Variants in FSTL5 observed in about 807,000 individuals in gnomAD.
FSTL5 encodes follistatin like 5.
In FSTL5, 62 loss-of-function variants were observed where a neutral mutation model predicts 89.1. The observed-to-expected ratio is 0.70, with a 90% confidence interval of 0.57 to 0.86. The LOEUF is 0.86. Ranked by LOEUF, FSTL5 falls within the 40% of genes least tolerant of loss-of-function variation. The pLI, the probability that FSTL5 is intolerant of heterozygous loss-of-function variation, is 0.00. For synonymous variants in FSTL5, 383 were observed against 346.2 expected (o/e 1.11, Z -1.18); for missense variants, 1,057 against 1,001.6 (o/e 1.06, Z -0.75).
At chr4:161,743,151 G>C (rs1440302794) in intron 6 of FSTL5, among the ~76,000 whole-genome samples, 4 of 152,074 alleles carry the variant, frequency 2.6e-5, no homozygotes, top group African/African-American at 4.8e-5. Context: ...CCAATGTTAT[G>C]AAGAGTTCCT....
chr4:161,790,023 C>T (rs1374159465), intron 4 of FSTL5, among the ~76,000 whole-genome samples: 1 of 152,134 alleles, frequency 6.6e-6, no homozygotes, highest in East Asian at 1.9e-4. Flanking sequence ...ATTTATACTA[C>T]CAGTTTACAT....
At position 161,861,614 on chromosome 4, in the gene FSTL5, A is replaced by G. The variant is rs757152325; in HGVS notation, c.409+58790T>C. ...CAGCAGTCCAATTTTGGGTAACATG[A>G]AAAATCCAGGTAGCATTATATTTTT... On this transcript the variant is annotated intron_variant, in intron 4 of 15. Transcript: ENST00000306100. Among the ~76,000 whole-genome samples, 236 of 152,350 alleles carry G rather than the reference A, an allele frequency of 1.5e-3. 5 individuals carry two copies. The highest frequency in any genetic ancestry group is 1.4e-3 in the South Asian group (7 of 4,830).
chr4:161,548,943 C>T (rs1011250080), intron 8 of FSTL5, among the ~76,000 whole-genome samples: 1 of 151,736 alleles, frequency 6.6e-6, no homozygotes, highest in African/African-American at 2.4e-5. Context: ...AATTAACATG[C>T]TATCTTTAAT....
At chr4:161,976,117 CAAA>C (rs371745777) in intron 3 of FSTL5, among the ~76,000 whole-genome samples, 6 of 65,368 alleles carry the variant, frequency 9.2e-5, no homozygotes, top group Non-Finnish European at 9.1e-5. Flanking sequence ...GACTCCGCCT[CAAA>C]AAAAAAAAAA....
At chr4:161,799,256 G>A (rs766545991) in intron 4 of FSTL5, among the ~76,000 whole-genome samples, 31 of 151,558 alleles carry the variant, frequency 2.0e-4, no homozygotes, top group African/African-American at 6.3e-4. Context: ...CCCCCTCCCC[G>A]CCGCCAAGTG....
At chr4:162,026,996 T>C (rs1737320302) in intron 3 of FSTL5, among the ~76,000 whole-genome samples, 1 of 152,090 alleles carries the variant, frequency 6.6e-6, no homozygotes, top group Admixed American at 6.6e-5. Context: ...TTTTGAAAAC[T>C]AGAGGATATA....
intron 7 of FSTL5, among the ~76,000 whole-genome samples, chr4:161,650,776 T>G (rs1218003298): frequency 2.4e-4 from 37 of 152,140 alleles, no homozygotes; most frequent in Admixed American, 2.4e-3. Flanking sequence ...ATGACATAAT[T>G]TGACTTATGT....
chr4:161,481,465 T>C (rs1447809222), intron 12 of FSTL5, among the ~76,000 whole-genome samples: 2 of 152,156 alleles, frequency 1.3e-5, no homozygotes, highest in Non-Finnish European at 2.9e-5. Flanking sequence ...CTTCAGAAAG[T>C]CCAACATCTT....
At position 161,637,429 on chromosome 4, in the gene FSTL5, T is replaced by C. The variant is rs1735762174; in HGVS notation, c.894+18899A>G. On this transcript the variant is annotated intron_variant, in intron 7 of 15. Transcript: ENST00000306100. ...TTTGTAGGTTGCCTGTTCACTCTGA[T>C]GGTAGTTTCTTTTGCTGTGCAGAAG... Among the ~76,000 whole-genome samples the C allele has an allele frequency of 2.0e-5, 3 of 148,308 alleles. No individual in the cohort carries two copies. In the South Asian group the frequency reaches 6.5e-4, roughly 32 times the overall value.
At chr4:161,390,083 C>T (rs540459089) in intron 15 of FSTL5, among the ~76,000 whole-genome samples, 1 of 152,072 alleles carries the variant, frequency 6.6e-6, no homozygotes, top group Non-Finnish European at 1.5e-5. Context: ...TGGTTTATCA[C>T]CAAATATCTC....
At chr4:161,431,601 A>G (rs1732374346) in intron 15 of FSTL5, among the ~76,000 whole-genome samples, 1 of 152,068 alleles carries the variant, frequency 6.6e-6, no homozygotes, top group African/African-American at 2.4e-5. Flanking sequence ...TGGCAGAAGT[A>G]AGTTCTTACT....
intron 10 of FSTL5, among the ~76,000 whole-genome samples, chr4:161,512,875 A>G (rs62324300): frequency 0.18 from 26,805 of 151,978 alleles, 2,603 homozygotes; most frequent in East Asian, 0.37. Flanking sequence ...AAATAAAGAC[A>G]AAGTTTTAAC....
intron 4 of FSTL5, among the ~76,000 whole-genome samples, chr4:161,837,314 C>T (rs531953898): frequency 6.6e-6 from 1 of 151,930 alleles, no homozygotes; most frequent in Non-Finnish European, 1.5e-5. Context: ...ATGAAATTGA[C>T]TAACAAGTGT....
In FSTL5 at chr4:161,457,617, A is replaced by T. The variant is rs374627431; in HGVS notation, c.1716+1595T>A. Among the ~76,000 whole-genome samples the T allele has an allele frequency of 3.9e-3, 597 of 152,276 alleles. 8 individuals carry two copies. In the South Asian group the frequency reaches 0.045, roughly 11 times the overall value. On this transcript the variant is annotated intron_variant, in intron 14 of 15. Coordinates refer to ENST00000306100, the MANE Select transcript of FSTL5 (RefSeq NM_020116.5). The stretch of plus-strand genomic sequence containing the variant: ...GATCAATTCTGAAGAAAATTGTATA[A>T]TAAAAATATATGCAGCTTTAGTTTT...
intron 4 of FSTL5, among the ~76,000 whole-genome samples, chr4:161,801,728 T>C (rs1458292788): frequency 6.6e-6 from 1 of 151,152 alleles, no homozygotes; most frequent in Non-Finnish European, 1.5e-5. Context: ...ATACACATAA[T>C]AATAATAATA....
Position 161,805,434 on chromosome 4 carries a change from G to C in FSTL5, c.410-29360C>G, listed in dbSNP as rs1036007895. Among the ~76,000 whole-genome samples, 6 of 152,090 alleles carry C rather than the reference G, an allele frequency of 3.9e-5. No individual in the cohort carries two copies. The East Asian group carries it at 1.2e-3, about 29-fold the overall frequency. ...AAATGTTTGTCATAGAGAGGAGAAT[G>C]GTATGGTAATAGATTAAAAGAGACG... On this transcript the variant is annotated intron_variant, in intron 4 of 15. Transcript: ENST00000306100.
chr4:161,602,162 A>G (rs1734266074), intron 7 of FSTL5, among the ~76,000 whole-genome samples: 1 of 151,860 alleles, frequency 6.6e-6, no homozygotes, highest in African/African-American at 2.4e-5. Flanking sequence ...TAAATAAATA[A>G]GACACACACA....
chr4:161,855,991 C>T (rs931710214), intron 4 of FSTL5, among the ~76,000 whole-genome samples: 12 of 152,030 alleles, frequency 7.9e-5, no homozygotes, highest in African/African-American at 1.7e-4. Flanking sequence ...CCTTTAGTTG[C>T]GTTTCTTTTA....
intron 7 of FSTL5, among the ~76,000 whole-genome samples, chr4:161,629,967 C>T (rs1735448684): frequency 6.6e-6 from 1 of 152,184 alleles, no homozygotes; most frequent in African/African-American, 2.4e-5. Context: ...TTCTCTTATG[C>T]ATATCTTCAT....
Sources: allele counts gnomAD v4.1 joint callset (sites outside exome capture counted in the v4.1 genomes callset), GRCh38; gene constraint gnomAD v4.1.1; transcripts MANE v1.5; gene names NCBI Gene and HGNC (gene_info 2026-07-23, HGNC 2026-07-21).